Variants in ZKSCAN8 observed in about 807,000 individuals in gnomAD.
ZKSCAN8 encodes zinc finger with KRAB and SCAN domains 8, also known as zinc finger protein with KRAB and SCAN domains 8.
ZKSCAN8 carries 27 observed loss-of-function variants against 57.2 expected under a neutral mutation model. The observed-to-expected ratio is 0.47, with a 90% confidence interval of 0.35 to 0.65. ZKSCAN8 has a LOEUF of 0.65. ZKSCAN8 is among the 30% of genes least tolerant of loss of function. The pLI is 0.01. For synonymous variants in ZKSCAN8, 214 were observed against 248.7 expected, an observed-to-expected ratio of 0.86 and a Z score of 1.31; for missense variants, 597 against 696.3, an observed-to-expected ratio of 0.86 and a Z score of 1.60.
chr6:28,149,104 TATCC>T (rs1765503213), intron 2 of ZKSCAN8, among the ~76,000 whole-genome samples: 1 of 152,184 alleles, frequency 6.6e-6, no homozygotes, highest in African/African-American at 2.4e-5. Flanking sequence ...TTTTCAGGGG[TATCC>T]AAATAATTAA....
Position 28,153,530 on chromosome 6 carries a change from A to C in ZKSCAN8, c.1250A>C (p.Gln417Pro), listed in dbSNP as rs1257738807. Residue 417 changes from glutamine to proline, a missense_variant, in exon 6 of 6, where the codon CAG becomes CCG. Gln to Pro is a moderately conservative substitution (Grantham distance 76, BLOSUM62 -1). Coordinates refer to ENST00000330236, the MANE Select transcript of ZKSCAN8 (RefSeq NM_006298.4). ...AATCAGTGTGGGAAGGCTTTCAGTC[A>C]GAGTGCGGGCCTTATTCTGCACCAG... Reference protein sequence around the residue: ...QCNQCGKAFSQSAGLILHQRI... With the variant: ...QCNQCGKAFSPSAGLILHQRI... The C allele has an allele frequency of 6.2e-7, 1 of 1,612,332 alleles. No homozygotes were observed. Among genetic ancestry groups the C allele is most frequent in the South Asian group, 1.1e-5 (1 of 91,030 alleles).
chr6:28,149,104 T>C (rs904027133), intron 2 of ZKSCAN8, among the ~76,000 whole-genome samples: 2 of 152,184 alleles, frequency 1.3e-5, no homozygotes, highest in Non-Finnish European at 2.9e-5. Context: ...TTTTCAGGGG[T>C]ATCCAAATAA....
intron 1 of ZKSCAN8, among the ~76,000 whole-genome samples, chr6:28,147,667 G>C (rs891431934): frequency 2.0e-5 from 3 of 152,160 alleles, no homozygotes; most frequent in Non-Finnish European, 2.9e-5. Flanking sequence ...GTAGCCTTTT[G>C]AGTGTGGGAG....
rs570649607 is a variant in ZKSCAN8, at chr6:28,156,630, A to T, written c.*2613A>T. 8.3e-4 allele frequency: 131 copies of T among 158,332 alleles called. No homozygotes were observed. The highest frequency in any genetic ancestry group is 1.6e-3 in the Admixed American group (25 of 15,462). The allele number at this position is 158,332 out of a possible 1,614,324, so 9.8% of individuals were successfully genotyped here. The stretch of plus-strand genomic sequence containing the variant: ...ACACTCTTAGCATAGAATATTATTG[A>T]CTAGGCTGTATGACATTTTGAGCTC... On this transcript the variant is annotated 3_prime_UTR_variant, in exon 6 of 6. Transcript: ENST00000330236.
intron 1 of ZKSCAN8, among the ~76,000 whole-genome samples, chr6:28,142,509 G>A (rs1291693018): frequency 6.6e-6 from 1 of 150,628 alleles, no homozygotes; most frequent in Non-Finnish European, 1.5e-5. Context: ...GTGGTGTGTT[G>A]ACTAGATAAT....
chr6:28,142,361 C>T (rs1418808979), intron 1 of ZKSCAN8: 1 of 152,078 alleles, frequency 6.6e-6, no homozygotes, highest in Admixed American at 6.5e-5. Flanking sequence ...ATTGTTTTCA[C>T]TTAGCGCTCT....
rs1321588189 is a variant in ZKSCAN8 at position 28,156,704 on chromosome 6, C to G, written c.*2687C>G. 1 of 152,348 alleles carries G rather than the reference C, an allele frequency of 6.6e-6. No homozygotes were observed. Among genetic ancestry groups the G allele is most frequent in the Non-Finnish European group, 1.5e-5 (1 of 68,192 alleles). The allele number at this position is 152,348 out of a possible 1,614,324, so 9.4% of individuals were successfully genotyped here. A position where few individuals can be genotyped will look rare whatever the true frequency, so the allele number is the denominator to read the frequency against. On this transcript the variant is annotated 3_prime_UTR_variant, in exon 6 of 6. Transcript: ENST00000330236. ...AGCTCCTTTATCCTATAGATTCTAT[C>G]TTTATGTTCATCTGAAATGAACTAT... is the stretch of plus-strand genomic sequence containing the variant.
In ZKSCAN8 at chr6:28,152,383, G is replaced by T. The variant is rs1341722332; in HGVS notation, c.774G>T (p.Leu258=). Residue 258 remains leucine (L), a splice_region_variant and synonymous_variant, in exon 5 of 6, where the codon CTG becomes CTT. Transcript: ENST00000330236. The part of the protein sequence containing the change: ...RPENFRNMFS[L]GGETRSENRE... ...AAAATTTCAGAAACATGTTCTCCCT[G>T]GGTAAGGAGAGGTGTGGTTATTATT... 1 of 1,605,762 alleles carries T rather than the reference G, an allele frequency of 6.2e-7. No homozygotes were observed.
chr6:28,142,743 A>G (rs974599363), intron 1 of ZKSCAN8, among the ~76,000 whole-genome samples: 1 of 152,192 alleles, frequency 6.6e-6, no homozygotes, highest in African/African-American at 2.4e-5. Flanking sequence ...AGTTCCGTTG[A>G]GTATATTTAC....
intron 1 of ZKSCAN8, among the ~76,000 whole-genome samples, chr6:28,146,561 A>G (rs1765403863): frequency 6.6e-6 from 1 of 152,224 alleles, no homozygotes; most frequent in African/African-American, 2.4e-5. Flanking sequence ...TGAGCTATGG[A>G]TTCAATACAA....
Position 28,153,429 on chromosome 6 carries a change from T to C in ZKSCAN8, c.1149T>C (p.Cys383=). The C allele has an allele frequency of 5.6e-6, 9 of 1,614,192 alleles. No individual in the cohort carries two copies. The highest frequency in any genetic ancestry group is 5.9e-6 in the Non-Finnish European group (7 of 1,180,026). The change falls in exon 6 of 6, where the codon TGT becomes TGC. Residue 383 remains cysteine, a synonymous_variant. Transcript: ENST00000330236. The part of the protein sequence containing the change: ...NKVKRYHCKE[C]GKAFSQNTGL... ...TAAAACGCTATCACTGTAAGGAGTG[T>C]GGCAAAGCCTTCAGTCAGAACACAG...
At chr6:28,152,966 C>T (rs2113595394) in intron 5 of ZKSCAN8, 90 bp from the exon 6 acceptor site, 1 of 1,535,344 alleles carries the variant, frequency 6.5e-7, no homozygotes, top group Non-Finnish European at 8.8e-7. Context: ...TGTGTACTTT[C>T]CTTTTCCCCT....
In ZKSCAN8 at chr6:28,144,145, A is replaced by G. The variant is rs1311894040; in HGVS notation, c.-93+2116A>G. 6.6e-6 allele frequency among the ~76,000 whole-genome samples: 1 copy of G among 152,196 alleles called. No homozygotes were observed. The highest frequency in any genetic ancestry group is 6.5e-5 in the Admixed American group (1 of 15,282). On this transcript the variant is annotated intron_variant, in intron 1 of 5. Coordinates refer to ENST00000330236, the MANE Select transcript of ZKSCAN8 (RefSeq NM_006298.4). This position sits in a 1 kb window ranked among gnomAD's most constrained non-coding sequence, Gnocchi z 4.5. ...TTCCCGGCCTTGTCTAACTTGAAAAATAATTTTCAAATTCCCTTTCTTTTC... is the reference window on the plus strand; with the variant it reads ...TTCCCGGCCTTGTCTAACTTGAAAAGTAATTTTCAAATTCCCTTTCTTTTC...
rs766513622 is a variant in ZKSCAN8, at chr6:28,151,823, C to G, written c.560-22C>G. 2.5e-6 allele frequency: 4 copies of G among 1,603,124 alleles called. No individual in the cohort carries two copies. In the East Asian group the frequency reaches 8.9e-5, roughly 36 times the overall value. On this transcript the variant is annotated intron_variant, in intron 3 of 5. Transcript: ENST00000330236. ...ACCACAGGACAGGACTGGTCTCATT[C>G]ATAGCTCCTTTCTCCTCTCAGCCAT... is the stretch of plus-strand genomic sequence containing the variant.
At position 28,159,421 on chromosome 6, in the gene ZKSCAN8, T is replaced by C. The variant is rs1005176185; in HGVS notation, c.*5404T>C. 6.6e-6 allele frequency: 1 copy of C among 152,276 alleles called. No homozygotes were observed. The highest frequency in any genetic ancestry group is 2.4e-5 in the African/African-American group (1 of 41,484). 9.4% of individuals were successfully genotyped at this position (152,276 alleles called of 1,614,324 possible). ...CACCCCCGAGTGCCTAGTATAGTGC[T>C]GAGCACATAGTAGGCGTTTAATAAA... On this transcript the variant is annotated 3_prime_UTR_variant, in exon 6 of 6. Transcript: ENST00000330236.
rs1765481915 is a variant in ZKSCAN8 at position 28,148,544 on chromosome 6, G to A, written c.137G>A (p.Gly46Asp). The A allele has an allele frequency of 6.2e-7, 1 of 1,613,950 alleles. No homozygotes were observed. The highest frequency in any genetic ancestry group is 1.3e-5 in the African/African-American group (1 of 74,878). The change falls in exon 2 of 6, where the codon GGC becomes GAC. Residue 46 changes from glycine to aspartate, a missense_variant. Transcript: ENST00000330236. ...ESSLHESNPL[G>D]QEVFRLRFRQ... ...AGTCTGCATGAAAGTAACCCTCTTG[G>A]CCAAGAAGTGTTCCGCCTGCGCTTC...
chr6:28,146,450 C>T (rs748666704), intron 1 of ZKSCAN8, among the ~76,000 whole-genome samples: 1 of 152,116 alleles, frequency 6.6e-6, no homozygotes, highest in African/African-American at 2.4e-5. Context: ...AAAGTAGTGT[C>T]GGTACTGATG....
Position 28,155,626 on chromosome 6 carries a change from T to A in ZKSCAN8, c.*1609T>A, listed in dbSNP as rs1016156241. On this transcript the variant is annotated 3_prime_UTR_variant, in exon 6 of 6. Coordinates refer to ENST00000330236, the MANE Select transcript of ZKSCAN8 (RefSeq NM_006298.4). ...ACATTGAGCCTATTCAGAAAAAAAA[T>A]TATATAGGTTCTGATGAAAGCTTCA... 2.0e-5 allele frequency: 3 copies of A among 152,142 alleles called. No homozygotes were observed. The highest frequency in any genetic ancestry group is 7.2e-5 in the African/African-American group (3 of 41,414). 9.4% of individuals were successfully genotyped at this position (152,142 alleles called of 1,614,324 possible). A position where few individuals can be genotyped will look rare whatever the true frequency, so the allele number is the denominator to read the frequency against.
rs1435078230 is a variant in ZKSCAN8 at position 28,144,635 on chromosome 6, A to G, written c.-93+2606A>G. ...AAACATTTGCAATAAGGCCATGGCC[A>G]CATTCTCACAATGTGATAAGTCCTA... On this transcript the variant is annotated intron_variant, in intron 1 of 5. Transcript: ENST00000330236. The surrounding 1 kb of genome is among the most constrained non-coding windows in gnomAD (Gnocchi z 4.5). Among the ~76,000 whole-genome samples the G allele has an allele frequency of 6.6e-6, 1 of 152,274 alleles. No homozygotes were observed. Among genetic ancestry groups the G allele is most frequent in the Non-Finnish European group, 1.5e-5 (1 of 68,046 alleles).
Sources: allele counts gnomAD v4.1 joint callset (sites outside exome capture counted in the v4.1 genomes callset), GRCh38; gene constraint gnomAD v4.1.1; non-coding constraint Gnocchi (gnomAD v3.1); transcripts MANE v1.5; gene names NCBI Gene and HGNC (gene_info 2026-07-23, HGNC 2026-07-21).